ZNF366: variants seen among roughly 807,000 people sequenced by gnomAD.
ZNF366 encodes the protein dendritic cell-specific transcript protein.
In ZNF366, 20 loss-of-function variants were observed where a neutral mutation model predicts 47.2. The ratio of observed to expected loss-of-function variants is 0.42; its 90% CI spans 0.30 to 0.62. The LOEUF (loss-of-function observed/expected upper bound fraction) is 0.62. ZNF366 is among the 20% of genes least tolerant of loss of function. ZNF366 has a pLI of 0.16. For synonymous variants in ZNF366, 421 were observed against 395.1 expected, an observed-to-expected ratio of 1.07 and a Z score of -0.78; for missense variants, 987 against 976.3, an observed-to-expected ratio of 1.01 and a Z score of -0.15.
At position 72,460,436 on chromosome 5, in the gene ZNF366, G is replaced by C. The variant is rs370359641; in HGVS notation, c.1061C>G (p.Ala354Gly). The C allele has an allele frequency of 6.2e-7, 1 of 1,614,040 alleles. No homozygotes were observed. Among genetic ancestry groups the C allele is most frequent in the African/African-American group, 1.3e-5 (1 of 74,950 alleles). Residue 354 changes from alanine to glycine, a missense_variant, in exon 2 of 5, where the codon GCC becomes GGC. Coordinates refer to ENST00000318442, the MANE Select transcript of ZNF366 (RefSeq NM_152625.3). ...RGFAYPSELK[A>G]HEAKHASGRE... ...CCCACTGGCGTGCTTGGCTTCGTGG[G>C]CCTTGAGCTCGCTGGGGTAGGCAAA...
At chr5:72,454,707 A>G (rs1294156559) in intron 3 of ZNF366, among the ~76,000 whole-genome samples, 4 of 152,238 alleles carry the variant, frequency 2.6e-5, no homozygotes, top group Non-Finnish European at 5.9e-5. Context: ...TAAACTCAAC[A>G]CAAGGAATGA....
intron 1 of ZNF366, among the ~76,000 whole-genome samples, chr5:72,500,122 G>A (rs576896388): frequency 1.3e-5 from 2 of 152,262 alleles, no homozygotes; most frequent in Admixed American, 6.5e-5. Flanking sequence ...CTGGAGAAGC[G>A]GGTCCTCCCT....
At chr5:72,446,343 A>T (rs1007319458) in intron 4 of ZNF366, among the ~76,000 whole-genome samples, 1 of 152,220 alleles carries the variant, frequency 6.6e-6, no homozygotes, top group Non-Finnish European at 1.5e-5. Flanking sequence ...AGCTGTTAAT[A>T]TGATTTTGCA....
chr5:72,444,847 TA>T (rs1206460101), intron 4 of ZNF366, among the ~76,000 whole-genome samples: 1 of 152,254 alleles, frequency 6.6e-6, no homozygotes, highest in Admixed American at 6.5e-5. Flanking sequence ...CCATTTCTAT[TA>T]AAAAATATTT....
At chr5:72,502,403 T>A (rs1744226856) in intron 1 of ZNF366, among the ~76,000 whole-genome samples, 1 of 152,260 alleles carries the variant, frequency 6.6e-6, no homozygotes, top group Non-Finnish European at 1.5e-5. Flanking sequence ...TTGCTGTCTC[T>A]ATGTTCCTGT....
chr5:72,483,718 G>A (rs894672757), intron 1 of ZNF366, among the ~76,000 whole-genome samples: 5 of 152,110 alleles, frequency 3.3e-5, no homozygotes, highest in African/African-American at 1.2e-4. Flanking sequence ...CAAGGGGAAG[G>A]ATGAGAGAAC....
At chr5:72,486,456 C>G (rs1025468754) in intron 1 of ZNF366, among the ~76,000 whole-genome samples, 1 of 152,200 alleles carries the variant, frequency 6.6e-6, no homozygotes, top group Admixed American at 6.5e-5. Flanking sequence ...GAGGGTCTAA[C>G]TGGCTCCTCC....
chr5:72,507,232 G>T lies in ZNF366; in HGVS notation c.-15+19C>A, dbSNP rs994325997. 4.4e-5 allele frequency: 43 copies of T among 985,422 alleles called. No individual in the cohort carries two copies. Among genetic ancestry groups the T allele is most frequent in the Non-Finnish European group, 4.8e-5 (40 of 830,040 alleles). The allele number at this position is 985,422 out of a possible 1,614,324, so 61.0% of individuals were successfully genotyped here. On this transcript the variant is annotated intron_variant, in intron 1 of 4. Coordinates refer to ENST00000318442, the MANE Select transcript of ZNF366 (RefSeq NM_152625.3). ...GGAACCTTGAAAAGGAAGCAGAAAT[G>T]ATTGCATGGGTAACTTACCAGCTCC...
intron 3 of ZNF366, among the ~76,000 whole-genome samples, chr5:72,452,282 CTG>C (rs1294873631): frequency 2.6e-5 from 4 of 152,134 alleles, no homozygotes; most frequent in African/African-American, 9.7e-5. Context: ...GAGAGAGAGA[CTG>C]TAAACTGTCC....
intron 1 of ZNF366, among the ~76,000 whole-genome samples, chr5:72,496,761 T>C (rs1221383958): frequency 6.6e-6 from 1 of 152,232 alleles, no homozygotes; most frequent in Non-Finnish European, 1.5e-5. Flanking sequence ...CAGCAACATA[T>C]GGGAATTTCA....
At chr5:72,456,693 A>G in intron 2 of ZNF366, 98 bp from the exon 3 acceptor site, 3 of 1,268,384 alleles carry the variant, frequency 2.4e-6, no homozygotes, top group Non-Finnish European at 3.2e-6. Flanking sequence ...ATAAATCCAC[A>G]AAGAGCTTGG....
At chr5:72,475,787 G>A (rs1361415501) in intron 1 of ZNF366, among the ~76,000 whole-genome samples, 3 of 152,120 alleles carry the variant, frequency 2.0e-5, no homozygotes, top group African/African-American at 7.2e-5. Context: ...CTCTAAGGTG[G>A]CTTCCAGCAA....
intron 1 of ZNF366, among the ~76,000 whole-genome samples, chr5:72,493,157 C>A (rs1258963923): frequency 6.6e-6 from 1 of 152,192 alleles, no homozygotes; most frequent in Non-Finnish European, 1.5e-5. Context: ...CATTTACTCA[C>A]TAATGCATTC....
intron 1 of ZNF366, among the ~76,000 whole-genome samples, chr5:72,484,656 T>C (rs1333976079): frequency 6.6e-6 from 1 of 151,836 alleles, no homozygotes; most frequent in Non-Finnish European, 1.5e-5. Context: ...ATCATAGAGG[T>C]GTTAAGGTTG....
intron 2 of ZNF366, among the ~76,000 whole-genome samples, chr5:72,457,360 T>G (rs1480456299): frequency 6.6e-6 from 1 of 152,300 alleles, no homozygotes; most frequent in Non-Finnish European, 1.5e-5. Flanking sequence ...CATTCACTAA[T>G]CCTGACTATC....
At chr5:72,506,888 C>CACCCT (rs1483265220) in intron 1 of ZNF366, among the ~76,000 whole-genome samples, 1 of 152,212 alleles carries the variant, frequency 6.6e-6, no homozygotes, top group Non-Finnish European at 1.5e-5. Context: ...CCTTAACAGA[C>CACCCT]ACCCTGATAA....
At chr5:72,496,339 T>C (rs1240695150) in intron 1 of ZNF366, among the ~76,000 whole-genome samples, 1 of 152,210 alleles carries the variant, frequency 6.6e-6, no homozygotes, top group Non-Finnish European at 1.5e-5. Context: ...CGTTTTGTGC[T>C]TTTAGAAATT....
rs781215241 is a variant in ZNF366, at chr5:72,461,105, A to C, written c.392T>G (p.Leu131Arg). 3.1e-6 allele frequency: 5 copies of C among 1,613,944 alleles called. No homozygotes were observed. The African/African-American group carries it at 5.3e-5, about 17-fold the overall frequency. The change falls in exon 2 of 5, where the codon CTG becomes CGG. Residue 131 changes from leucine to arginine, a missense_variant. Transcript: ENST00000318442. ...GTAGAATTGGAAGCCCACGTTGCAC[A>C]GGTCGATCATCTGAGAGTCATACTT... ...RPKYDSQMID[L>R]CNVGFQFYRS...
chr5:72,506,232 C>A (rs1037404233), intron 1 of ZNF366, among the ~76,000 whole-genome samples: 2 of 152,166 alleles, frequency 1.3e-5, no homozygotes, highest in African/African-American at 4.8e-5. Context: ...CATTCGGCAT[C>A]TCTCTGAATT....
Sources: gnomAD v4.1 joint callset for allele counts (sites outside exome capture counted in the v4.1 genomes callset) on GRCh38, gnomAD v4.1.1 for gene constraint, MANE v1.5 for transcripts, NCBI Gene and HGNC (gene_info 2026-07-23, HGNC 2026-07-21) for gene names.